Variants in TMEM223 observed in about 807,000 individuals in gnomAD.
The protein encoded by TMEM223 is transmembrane protein 223.
TMEM223 carries 14 observed loss-of-function variants against 14.1 expected under a neutral mutation model. The ratio of observed to expected loss-of-function variants is 0.99; its 90% CI spans 0.66 to 1.55. TMEM223 has a LOEUF of 1.55. Ranked by LOEUF, TMEM223 falls within the 40% of genes most tolerant of loss-of-function variation. The pLI is 0.00. For missense variants in TMEM223, 346 were observed against 269.9 expected (o/e 1.28, Z -1.97); for synonymous variants, 145 against 120.5 (o/e 1.20, Z -1.33).
At position 62,791,910 on chromosome 11, in the gene TMEM223, T is replaced by A; in HGVS notation, c.85A>T (p.Thr29Ser). The change falls in exon 1 of 2, where the codon ACG becomes TCG. Residue 29 changes from threonine to serine, a missense_variant. Physicochemically the swap from Thr to Ser is moderately conservative, Grantham distance 58. Transcript: ENST00000307366. ...LLTCRPLQGTTLQRDVLLFEH... is the reference protein window; with the variant it reads ...LLTCRPLQGTSLQRDVLLFEH... ...AAGAGCAGCACATCCCGTTGCAGCG[T>A]CGTGCCTTGCAGGGGCCGGCAGGTG... is the stretch of plus-strand genomic sequence containing the variant. 1 of 1,600,936 alleles carries A rather than the reference T, an allele frequency of 6.2e-7. No individual in the cohort carries two copies. The highest frequency in any genetic ancestry group is 1.1e-5 in the South Asian group (1 of 88,788).
At chr11:62,775,273 C>G (rs1590932710) in intron 1 of TMEM223, among the ~76,000 whole-genome samples, 1 of 152,156 alleles carries the variant, frequency 6.6e-6, no homozygotes, top group South Asian at 2.1e-4. Flanking sequence ...AACTCACTAT[C>G]AGGAGAACAG....
chr11:62,786,935 G>A, downstream of TMEM223: 1 of 1,469,858 alleles, frequency 6.8e-7, no homozygotes, highest in South Asian at 1.3e-5. Context: ...GAGAGCCCCC[G>A]GGGCAGCGGC....
In TMEM223 at chr11:62,781,998, G is replaced by A. The variant is rs754955720; in HGVS notation, c.315-7333C>T. 1.2e-5 allele frequency: 20 copies of A among 1,612,322 alleles called. No individual in the cohort carries two copies. The South Asian group carries it at 2.0e-4, about 16-fold the overall frequency. On this transcript the variant is annotated intron_variant, in intron 1 of 2. Transcript: ENST00000528367. ...GTGACCAGGCTGGGACAGGGAGAAT[G>A]TTTTATAAGGAAGAGATGACCCAGC...
At chr11:62,788,759 C>T (rs2134739735), downstream of TMEM223, among the ~76,000 whole-genome samples, 1 of 151,820 alleles carries the variant, frequency 6.6e-6, no homozygotes, top group East Asian at 1.9e-4. Flanking sequence ...GGTTTCTGCA[C>T]AGAGACCATA....
intron 1 of TMEM223, chr11:62,782,026 G>A (rs1330090046): frequency 1.2e-6 from 2 of 1,603,198 alleles, no homozygotes; most frequent in Admixed American, 3.4e-5. Context: ...GACCCAGCAG[G>A]TGTAGGGCTC....
chr11:62,784,706 A>G (rs532616082), downstream of TMEM223, among the ~76,000 whole-genome samples: 2 of 152,294 alleles, frequency 1.3e-5, no homozygotes, highest in South Asian at 2.1e-4. Context: ...TTGTTTTCCA[A>G]TGTTATTACA....
intron 1 of TMEM223, chr11:62,776,566 C>T (rs530103353): frequency 1.6e-5 from 20 of 1,252,716 alleles, no homozygotes; most frequent in Admixed American, 7.4e-5. Flanking sequence ...TAAGACCAAA[C>T]GCTGCCGGGC....
At chr11:62,781,068 T>C (rs1213907990) in intron 1 of TMEM223, among the ~76,000 whole-genome samples, 1 of 151,454 alleles carries the variant, frequency 6.6e-6, no homozygotes, top group Admixed American at 6.6e-5. Flanking sequence ...AAACCCTGTC[T>C]CTACTAAAAA....
chr11:62,781,474 C>A (rs1184385936), intron 1 of TMEM223, among the ~76,000 whole-genome samples: 1 of 151,758 alleles, frequency 6.6e-6, no homozygotes, highest in Non-Finnish European at 1.5e-5. Context: ...GAGATCGCGA[C>A]CATCCTGGCT....
Position 62,778,878 on chromosome 11 carries a change from C to T in TMEM223, c.315-4213G>A, listed in dbSNP as rs1213537336. The T allele has an allele frequency of 5.0e-6, 8 of 1,614,078 alleles. No individual in the cohort carries two copies. The East Asian group carries it at 1.8e-4, about 36-fold the overall frequency. ...GCCTGTCCTCTGGCAGTGCCCAGTG[C>T]TGTGTCTTCACTGACAGATGACCTT... On this transcript the variant is annotated intron_variant, in intron 1 of 2. Transcript: ENST00000528367.
chr11:62,784,583 G>C (rs554986953), downstream of TMEM223, among the ~76,000 whole-genome samples: 1 of 152,266 alleles, frequency 6.6e-6, no homozygotes, highest in East Asian at 1.9e-4. Context: ...TGGGATTACA[G>C]GTGTGAGCCA....
At chr11:62,789,904 T>G (rs757770845), downstream of TMEM223, 3 of 1,613,834 alleles carry the variant, frequency 1.9e-6, no homozygotes, top group Non-Finnish European at 2.5e-6. Flanking sequence ...TTGGGTGAAT[T>G]TGGTATTGTG....
intron 1 of TMEM223, among the ~76,000 whole-genome samples, chr11:62,791,467 C>G (rs1338155659): frequency 2.0e-5 from 3 of 152,188 alleles, no homozygotes; most frequent in Non-Finnish European, 4.4e-5. Context: ...CGGTGTTAGC[C>G]AGGATGGTCT....
At chr11:62,782,187 G>A (rs145739980) in intron 1 of TMEM223, 12 of 1,613,980 alleles carry the variant, frequency 7.4e-6, no homozygotes, top group East Asian at 2.2e-5. Context: ...TTCGTAATCC[G>A]CACCTGTGCT....
rs1283266160 is a variant in TMEM223, at chr11:62,791,682, T to C, written c.313A>G (p.Ile105Val). 2.0e-6 allele frequency: 3 copies of C among 1,531,654 alleles called. No individual in the cohort carries two copies. Among genetic ancestry groups the C allele is most frequent in the Non-Finnish European group, 2.6e-6 (3 of 1,138,726 alleles). 94.9% of individuals were successfully genotyped at this position (1,531,654 alleles called of 1,614,324 possible). ...GGGAAGCCAGCCCACGTCTTACCGA[T>C]GGCGCCGCAGCCGACGGCCAGACCG... ...RYGLAVGCGA[I>V]GALVLGAGLL... Residue 105 changes from isoleucine to valine, a missense_variant, in exon 1 of 2, where the codon ATC becomes GTC. Transcript: ENST00000307366.
chr11:62,787,488 G>T (rs1279321682), downstream of TMEM223: 2 of 1,579,912 alleles, frequency 1.3e-6, no homozygotes, highest in Admixed American at 3.4e-5. Context: ...CCGCCTTCCT[G>T]TGCGGGGCCG....
At chr11:62,788,911 A>C, downstream of TMEM223, 1 of 1,233,038 alleles carries the variant, frequency 8.1e-7, no homozygotes, top group Non-Finnish European at 1.1e-6. Flanking sequence ...ACGGTGCACA[A>C]ATAACTTCCT....
At chr11:62,787,437 G>C, downstream of TMEM223, 2 of 1,563,930 alleles carry the variant, frequency 1.3e-6, no homozygotes, top group Non-Finnish European at 1.7e-6. Context: ...GCGCCATGGC[G>C]CTGTCCTGGC....
chr11:62,775,670 C>A, intron 1 of TMEM223: 1 of 1,359,400 alleles, frequency 7.4e-7, no homozygotes, highest in Non-Finnish European at 9.9e-7. Flanking sequence ...TTAGAAACTC[C>A]AGAGCACGAG....
Sources: gnomAD v4.1 joint callset for allele counts (sites outside exome capture counted in the v4.1 genomes callset) on GRCh38, gnomAD v4.1.1 for gene constraint, MANE v1.5 for transcripts, NCBI Gene and HGNC (gene_info 2026-07-23, HGNC 2026-07-21) for gene names.